The following CCSER1 variants were observed in gnomAD, a reference collection of about 807,000 sequenced individuals.
The protein encoded by CCSER1 is serine-rich coiled-coil domain-containing protein 1.
A neutral mutation model predicts 82.0 loss-of-function variants in CCSER1; 41 were observed. The observed-to-expected ratio is 0.50, with a 90% CI of 0.39 to 0.65. The LOEUF is 0.65. CCSER1 is among the 30% of genes least tolerant of loss of function. CCSER1 has a pLI of 0.00. For synonymous variants in CCSER1, 414 were observed against 383.9 expected (o/e 1.08, Z -0.92); for missense variants, 1,119 against 1,064.2 (o/e 1.05, Z -0.72).
intron 8 of CCSER1, among the ~76,000 whole-genome samples, chr4:90,908,781 CAAG>C (rs1174739469): frequency 1.3e-5 from 2 of 152,044 alleles, no homozygotes; most frequent in Non-Finnish European, 2.9e-5. Flanking sequence ...TTAGTGTGTT[CAAG>C]AAGGAGACTG....
At chr4:90,671,191 C>T (rs532765269) in intron 6 of CCSER1, among the ~76,000 whole-genome samples, 7 of 151,936 alleles carry the variant, frequency 4.6e-5, no homozygotes, top group Admixed American at 2.0e-4. Context: ...CTGAAGGTTG[C>T]GATGGCTGTG....
chr4:91,005,879 G>A (rs1404408843), intron 9 of CCSER1, among the ~76,000 whole-genome samples: 1 of 152,180 alleles, frequency 6.6e-6, no homozygotes, highest in Non-Finnish European at 1.5e-5. Flanking sequence ...TCAATTGGCT[G>A]TAGATGTATG....
intron 10 of CCSER1, among the ~76,000 whole-genome samples, chr4:91,230,407 G>C (rs1738530030): frequency 6.6e-6 from 1 of 152,030 alleles, no homozygotes; most frequent in Non-Finnish European, 1.5e-5. Context: ...GGTTGATTGA[G>C]TTTGCTTATA....
At position 90,592,020 on chromosome 4, in the gene CCSER1, A is replaced by G. The variant is rs189723389; in HGVS notation, c.1725-36005A>G. ...GGGCACAGGGAGGGAAACATTACACACGGGGGTCTGTCGCAGGATGGGAGC... is the reference window on the plus strand; with the variant it reads ...GGGCACAGGGAGGGAAACATTACACGCGGGGGTCTGTCGCAGGATGGGAGC... On this transcript the variant is annotated intron_variant, in intron 5 of 10. Transcript: ENST00000509176. Among the ~76,000 whole-genome samples, 334 of 152,058 alleles carry G rather than the reference A, an allele frequency of 2.2e-3. 1 individual carries two copies. Among genetic ancestry groups the G allele is most frequent in the African/African-American group, 7.8e-3 (322 of 41,504 alleles).
At chr4:90,864,303 T>G (rs1024216602) in intron 8 of CCSER1, among the ~76,000 whole-genome samples, 26 of 151,974 alleles carry the variant, frequency 1.7e-4, no homozygotes, top group African/African-American at 5.8e-4. Context: ...ATGCTATGGT[T>G]TGAAAGTGTC....
chr4:90,484,951 TTGTC>T (rs1051346972), intron 5 of CCSER1, among the ~76,000 whole-genome samples: 3 of 152,220 alleles, frequency 2.0e-5, no homozygotes, highest in Non-Finnish European at 4.4e-5. Flanking sequence ...TGTCTTTTGT[TTGTC>T]TGTGCCCAGC....
At chr4:90,688,585 G>C (rs1319258772) in intron 6 of CCSER1, among the ~76,000 whole-genome samples, 1 of 151,890 alleles carries the variant, frequency 6.6e-6, no homozygotes, top group East Asian at 1.9e-4. Flanking sequence ...GTAGTAAAAA[G>C]ACCCACTAAT....
chr4:91,393,294 A>G (rs2149351976), intron 10 of CCSER1, among the ~76,000 whole-genome samples: 1 of 152,232 alleles, frequency 6.6e-6, no homozygotes, highest in South Asian at 2.1e-4. Context: ...AAATTAGAAA[A>G]GAATATGCCA....
chr4:90,306,169 G>C (rs1734237698), intron 1 of CCSER1, among the ~76,000 whole-genome samples: 1 of 152,174 alleles, frequency 6.6e-6, no homozygotes, highest in South Asian at 2.1e-4. Flanking sequence ...GCCCCAGGAT[G>C]GAAGGACCGG....
At chr4:90,361,227 T>A (rs969625306) in intron 3 of CCSER1, among the ~76,000 whole-genome samples, 1 of 152,210 alleles carries the variant, frequency 6.6e-6, no homozygotes, top group African/African-American at 2.4e-5. Flanking sequence ...AAAAGTTAAT[T>A]ATTAATTTAC....
At chr4:91,464,477 T>C (rs995243145) in intron 10 of CCSER1, among the ~76,000 whole-genome samples, 2 of 152,130 alleles carry the variant, frequency 1.3e-5, no homozygotes, top group African/African-American at 4.8e-5. Flanking sequence ...AACATCGTAA[T>C]GACAGGATCA....
chr4:91,029,826 A>G (rs1740815921), intron 9 of CCSER1, among the ~76,000 whole-genome samples: 1 of 152,120 alleles, frequency 6.6e-6, no homozygotes, highest in South Asian at 2.1e-4. Flanking sequence ...TGTAAGTTCT[A>G]TTTAAATGGA....
chr4:91,036,680 T>A (rs2150567579), intron 9 of CCSER1, among the ~76,000 whole-genome samples: 1 of 152,290 alleles, frequency 6.6e-6, no homozygotes, highest in East Asian at 1.9e-4. Flanking sequence ...TAAAAATAGA[T>A]ACATTTTTCC....
intron 10 of CCSER1, among the ~76,000 whole-genome samples, chr4:91,312,028 G>C (rs1206640250): frequency 6.6e-6 from 1 of 151,774 alleles, no homozygotes; most frequent in Non-Finnish European, 1.5e-5. Flanking sequence ...TTAAAATATA[G>C]AAAAGCTAAA....
rs141454561 is a variant in CCSER1 at position 91,272,070 on chromosome 4, C to T, written c.2217+186076C>T. ...CAATTGCAAATTGTGCTGCTATAAACGTGTGTACAAGTATCTTTTTCATAT... is the reference window on the plus strand; with the variant it reads ...CAATTGCAAATTGTGCTGCTATAAATGTGTGTACAAGTATCTTTTTCATAT... On this transcript the variant is annotated intron_variant, in intron 10 of 10. Coordinates refer to ENST00000509176, the MANE Select transcript of CCSER1 (RefSeq NM_001145065.2). Among the ~76,000 whole-genome samples the T allele has an allele frequency of 2.1e-3, 324 of 152,294 alleles. 1 individual carries two copies. Among genetic ancestry groups the T allele is most frequent in the African/African-American group, 5.5e-3 (227 of 41,572 alleles).
At chr4:90,838,810 C>T (rs1561225138) in intron 8 of CCSER1, 6 of 1,519,600 alleles carry the variant, frequency 3.9e-6, no homozygotes, top group Non-Finnish European at 5.5e-6. Context: ...GATCCAACCT[C>T]TTTGCATCTT....
intron 5 of CCSER1, among the ~76,000 whole-genome samples, chr4:90,481,953 C>T (rs980027902): frequency 1.3e-5 from 2 of 152,154 alleles, no homozygotes; most frequent in Non-Finnish European, 2.9e-5. Flanking sequence ...ATGGTACCAG[C>T]TGCTCCTTGT....
intron 9 of CCSER1, among the ~76,000 whole-genome samples, chr4:91,025,755 G>T (rs1198458832): frequency 2.0e-5 from 3 of 152,088 alleles, no homozygotes; most frequent in Non-Finnish European, 4.4e-5. Flanking sequence ...AACCCAAATT[G>T]TGTTTTCTGT....
intron 10 of CCSER1, among the ~76,000 whole-genome samples, chr4:91,182,168 T>C (rs1734096622): frequency 6.6e-6 from 1 of 152,194 alleles, no homozygotes; most frequent in East Asian, 1.9e-4. Context: ...CTCAACATGC[T>C]GCAACCGAAG....
Sources: gnomAD v4.1 joint callset for allele counts (sites outside exome capture counted in the v4.1 genomes callset) on GRCh38, gnomAD v4.1.1 for gene constraint, MANE v1.5 for transcripts, NCBI Gene and HGNC (gene_info 2026-07-23, HGNC 2026-07-21) for gene names.